Variants in PDE10A observed in about 807,000 individuals in gnomAD.
The protein encoded by PDE10A is phosphodiesterase 10A, also known as cAMP and cAMP-inhibited cGMP 3',5'-cyclic phosphodiesterase 10A.
Under a neutral mutation model 97.7 loss-of-function variants are expected in PDE10A, and 39 were observed. That is an observed-to-expected ratio of 0.40 (90% CI 0.31 to 0.52). The LOEUF (loss-of-function observed/expected upper bound fraction) is 0.52, where lower values mean the gene tolerates loss of function less well. Among genes scored for constraint, PDE10A ranks in the 20% least tolerant of loss-of-function variants. PDE10A has a pLI of 0.56. For synonymous variants in PDE10A, 371 were observed against 376.8 expected (o/e 0.98, Z 0.18); for missense variants, 731 against 1,047.8 (o/e 0.70, Z 4.17).
At chr6:165,840,010 C>A (rs1255155369) in intron 1 of PDE10A, among the ~76,000 whole-genome samples, 15 of 4,776 alleles carry the variant, frequency 3.1e-3, no homozygotes, top group East Asian at 6.8e-3. Flanking sequence ...CCATCTCCAT[C>A]CTCATCTGCA....
At chr6:165,779,502 C>T (rs1028205998) in intron 1 of PDE10A, among the ~76,000 whole-genome samples, 1 of 152,214 alleles carries the variant, frequency 6.6e-6, no homozygotes, top group African/African-American at 2.4e-5. Flanking sequence ...TTTGTCATTG[C>T]CAAGCGGCCG....
intron 1 of PDE10A, among the ~76,000 whole-genome samples, chr6:165,702,727 C>T (rs13193515): frequency 0.031 from 4,739 of 152,314 alleles, 108 homozygotes; most frequent in Non-Finnish European, 0.044. Context: ...GCCAGCCCAT[C>T]TGTCGCCCCT....
chr6:165,561,160 A>T (rs1278267524), intron 1 of PDE10A, among the ~76,000 whole-genome samples: 1 of 151,650 alleles, frequency 6.6e-6, no homozygotes, highest in Non-Finnish European at 1.5e-5. Flanking sequence ...CGGAGGTTGC[A>T]GTGAGCCGAG....
At chr6:165,500,815 A>G (rs1780826771) in intron 2 of PDE10A, among the ~76,000 whole-genome samples, 2 of 152,120 alleles carry the variant, frequency 1.3e-5, no homozygotes, top group Admixed American at 6.5e-5. Context: ...ACCCGATTGT[A>G]TGTTCTATTT....
At chr6:165,691,577 G>A (rs1228925005) in intron 1 of PDE10A, among the ~76,000 whole-genome samples, 12 of 118,172 alleles carry the variant, frequency 1.0e-4, no homozygotes, top group South Asian at 6.2e-4. Flanking sequence ...CCATGCGCAC[G>A]CATGCACGCG....
intron 1 of PDE10A, among the ~76,000 whole-genome samples, chr6:165,916,319 T>C (rs905532695): frequency 6.6e-6 from 1 of 152,230 alleles, no homozygotes; most frequent in Admixed American, 6.5e-5. Context: ...CGTTCTTCTC[T>C]GCTATAACTG....
chr6:165,979,970 CA>C (rs1264885589), intron 1 of PDE10A, among the ~76,000 whole-genome samples: 1 of 152,174 alleles, frequency 6.6e-6, no homozygotes, highest in Non-Finnish European at 1.5e-5. Flanking sequence ...GTTTATTCTA[CA>C]GCAAAATCAC....
At chr6:165,841,373 C>T (rs1333197665) in intron 1 of PDE10A, among the ~76,000 whole-genome samples, 1 of 152,194 alleles carries the variant, frequency 6.6e-6, no homozygotes, top group African/African-American at 2.4e-5. Context: ...GTGGCCTTTG[C>T]TGACCAGGGT....
intron 1 of PDE10A, among the ~76,000 whole-genome samples, chr6:165,982,759 G>T (rs1387812788): frequency 6.8e-6 from 1 of 148,024 alleles, no homozygotes; most frequent in African/African-American, 2.4e-5. Flanking sequence ...CAACTATTCG[G>T]GGTTTTCATC....
intron 1 of PDE10A, among the ~76,000 whole-genome samples, chr6:165,794,989 A>C (rs1263369743): frequency 6.6e-6 from 1 of 152,254 alleles, no homozygotes; most frequent in East Asian, 1.9e-4. Flanking sequence ...ACTCTATTAT[A>C]AAAGAAAACC....
At chr6:165,733,359 C>T (rs1012098264) in intron 1 of PDE10A, among the ~76,000 whole-genome samples, 1 of 152,214 alleles carries the variant, frequency 6.6e-6, no homozygotes, top group African/African-American at 2.4e-5. Flanking sequence ...CTTCCTATTT[C>T]CTGCTGCCCT....
rs186976824 is a variant in PDE10A, at chr6:165,543,799, T to C, written c.866-231A>G. 2.1e-4 allele frequency among the ~76,000 whole-genome samples: 32 copies of C among 152,100 alleles called. No individual in the cohort carries two copies. In the East Asian group the frequency reaches 6.0e-3, roughly 28 times the overall value. On this transcript the variant is annotated intron_variant, in intron 1 of 21. Transcript: ENST00000539869. ...TGAATACTGCCCAACATTGGGAATATACGTAATGCCACTAAATTGTACGCT... is the reference window on the plus strand; with the variant it reads ...TGAATACTGCCCAACATTGGGAATACACGTAATGCCACTAAATTGTACGCT...
intron 1 of PDE10A, among the ~76,000 whole-genome samples, chr6:165,722,228 T>C (rs997265929): frequency 6.6e-6 from 1 of 152,248 alleles, no homozygotes; most frequent in African/African-American, 2.4e-5. Flanking sequence ...GTGCAGTTTC[T>C]TGGCTGCCTT....
intron 1 of PDE10A, among the ~76,000 whole-genome samples, chr6:165,961,372 C>T (rs1315780057): frequency 2.0e-5 from 3 of 152,216 alleles, no homozygotes; most frequent in Non-Finnish European, 2.9e-5. Flanking sequence ...ACAGTCCTGT[C>T]CTACTTCAGA....
At chr6:165,532,621 C>T (rs968221071) in intron 2 of PDE10A, among the ~76,000 whole-genome samples, 9 of 151,918 alleles carry the variant, frequency 5.9e-5, no homozygotes, top group Admixed American at 2.0e-4. Flanking sequence ...GGGGAGCTAG[C>T]CAAAACACAG....
At chr6:165,707,705 G>C (rs956641909) in intron 1 of PDE10A, among the ~76,000 whole-genome samples, 1 of 151,930 alleles carries the variant, frequency 6.6e-6, no homozygotes, top group African/African-American at 2.4e-5. Context: ...GAGTGTGTGA[G>C]ACTGTGCGTG....
At chr6:165,389,264 C>T (rs548357321) in intron 16 of PDE10A, among the ~76,000 whole-genome samples, 1 of 152,128 alleles carries the variant, frequency 6.6e-6, no homozygotes, top group Non-Finnish European at 1.5e-5. Flanking sequence ...TATATATTTA[C>T]AAGATTATTC....
At chr6:165,701,247 A>G (rs1278601721) in intron 1 of PDE10A, among the ~76,000 whole-genome samples, 1 of 152,236 alleles carries the variant, frequency 6.6e-6, no homozygotes, top group Non-Finnish European at 1.5e-5. Context: ...CCAGGCGACA[A>G]TTGATAGAAA....
intron 2 of PDE10A, among the ~76,000 whole-genome samples, chr6:165,497,629 T>G (rs992991845): frequency 1.3e-5 from 2 of 152,180 alleles, no homozygotes; most frequent in African/African-American, 4.8e-5. Flanking sequence ...TTCATAGAAC[T>G]TAGTCATCTC....
Sources: gnomAD v4.1 joint callset for allele counts (sites outside exome capture counted in the v4.1 genomes callset) on GRCh38, gnomAD v4.1.1 for gene constraint, MANE v1.5 for transcripts, NCBI Gene and HGNC (gene_info 2026-07-23, HGNC 2026-07-21) for gene names.